Variants in SLFN5 observed in about 807,000 individuals in gnomAD.
The protein encoded by SLFN5 is schlafen family member 5.
SLFN5 carries 34 observed loss-of-function variants against 48.5 expected under a neutral mutation model. The observed-to-expected ratio is 0.70, with a 90% CI of 0.53 to 0.93. The LOEUF (loss-of-function observed/expected upper bound fraction) is 0.93. SLFN5 is among the 40% of genes least tolerant of loss of function. The pLI is 0.00. For missense variants in SLFN5, 1,006 were observed against 1,071.3 expected, an observed-to-expected ratio of 0.94 and a Z score of 0.85; for synonymous variants, 387 against 396.2, an observed-to-expected ratio of 0.98 and a Z score of 0.28.
At position 35,271,108 on chromosome 17, in the gene SLFN5, C is replaced by A. The variant is rs1440632112; in HGVS notation, c.*5220C>A. On this transcript the variant is annotated 3_prime_UTR_variant, in exon 5 of 5. Coordinates refer to ENST00000299977, the MANE Select transcript of SLFN5 (RefSeq NM_144975.4). Reference sequence around the variant, plus strand: ...CTGCTGTGGAAAAACAACATCAAACCTAGACTTCTCTCCCCAAACTATCAT... The same window carrying A: ...CTGCTGTGGAAAAACAACATCAAACATAGACTTCTCTCCCCAAACTATCAT... 6.6e-6 allele frequency: 1 copy of A among 152,126 alleles called. No individual in the cohort carries two copies. The highest frequency in any genetic ancestry group is 1.5e-5 in the Non-Finnish European group (1 of 68,028). 9.4% of individuals were successfully genotyped at this position (152,126 alleles called of 1,614,324 possible). A position where few individuals can be genotyped will look rare whatever the true frequency, so the allele number is the denominator to read the frequency against.
chr17:35,250,225 T>C (rs2092439181), intron 1 of SLFN5, among the ~76,000 whole-genome samples: 1 of 152,240 alleles, frequency 6.6e-6, no homozygotes, highest in East Asian at 1.9e-4. Context: ...GTAGAAATTT[T>C]CTCTGCCTTT....
chr17:35,273,290 T>C lies in SLFN5; in HGVS notation c.*7402T>C, dbSNP rs1002144241. The C allele has an allele frequency of 6.6e-6, 1 of 152,204 alleles. No individual in the cohort carries two copies. The highest frequency in any genetic ancestry group is 2.4e-5 in the African/African-American group (1 of 41,454). 9.4% of individuals were successfully genotyped at this position (152,204 alleles called of 1,614,324 possible). On this transcript the variant is annotated 3_prime_UTR_variant, in exon 5 of 5. Transcript: ENST00000299977. The stretch of plus-strand genomic sequence containing the variant: ...CTTTGGAAGTATACCTAAAAATTGG[T>C]AATAGTGTTTGACTCCAGGGAAGAA...
chr17:35,259,343 C>T lies in SLFN5; in HGVS notation c.653C>T (p.Ala218Val), dbSNP rs1162648307. ...GACAGACTTCCGAAGTGTGTTTCTG[C>T]ATTTGCAAATACTGAAGGAGGATAT... Reference protein sequence around the residue: ...VKDRLPKCVSAFANTEGGYVF... With the variant: ...VKDRLPKCVSVFANTEGGYVF... The change falls in exon 2 of 5, where the codon GCA becomes GTA. Residue 218 changes from alanine to valine, a missense_variant. Transcript: ENST00000299977. The T allele has an allele frequency of 6.2e-7, 1 of 1,614,120 alleles. No individual in the cohort carries two copies.
At chr17:35,249,993 C>T (rs997523063) in intron 1 of SLFN5, among the ~76,000 whole-genome samples, 1 of 152,166 alleles carries the variant, frequency 6.6e-6, no homozygotes, top group African/African-American at 2.4e-5. Flanking sequence ...AAGTCAGACG[C>T]AAAGGAATGG....
chr17:35,261,022 C>T lies in SLFN5; in HGVS notation c.1064C>T (p.Thr355Met), dbSNP rs748278919. The T allele has an allele frequency of 3.3e-5, 54 of 1,613,840 alleles. No homozygotes were observed. Among genetic ancestry groups the T allele is most frequent in the African/African-American group, 9.3e-5 (7 of 74,898 alleles). The change falls in exon 3 of 5, where the codon ACG becomes ATG. Residue 355 changes from threonine (T) to methionine (M), a missense_variant. Transcript: ENST00000299977. ...CTCCAGTTGAGTTTGTCATCTGCCACGCCCCGCAGCAAGCCTGTGTGCATT... is the reference window on the plus strand; with the variant it reads ...CTCCAGTTGAGTTTGTCATCTGCCATGCCCCGCAGCAAGCCTGTGTGCATT... The part of the protein sequence containing the change: ...MVLQLSLSSA[T>M]PRSKPVCIHK...
At chr17:35,256,072 A>C (rs1333565239) in intron 1 of SLFN5, among the ~76,000 whole-genome samples, 3 of 152,234 alleles carry the variant, frequency 2.0e-5, no homozygotes, top group Non-Finnish European at 2.9e-5. Context: ...AAAATAGTGC[A>C]TGTAGGCTGG....
Position 35,270,419 on chromosome 17 carries a change from T to C in SLFN5, c.*4531T>C, listed in dbSNP as rs185793895. The C allele has an allele frequency of 2.0e-5, 3 of 152,254 alleles. No homozygotes were observed. The East Asian group carries it at 5.8e-4, about 29-fold the overall frequency. The allele number at this position is 152,254 out of a possible 1,614,324, so 9.4% of individuals were successfully genotyped here. The stretch of plus-strand genomic sequence containing the variant: ...CATCCTCACAACCAAGAAAAGCGCC[T>C]CTCCATGAACTAAAACCTATGAGTC... On this transcript the variant is annotated 3_prime_UTR_variant, in exon 5 of 5. Coordinates refer to ENST00000299977, the MANE Select transcript of SLFN5 (RefSeq NM_144975.4).
intron 1 of SLFN5, among the ~76,000 whole-genome samples, chr17:35,248,510 G>A (rs530517863): frequency 6.6e-6 from 1 of 151,876 alleles, no homozygotes; most frequent in South Asian, 2.1e-4. Flanking sequence ...CTTCTATTAG[G>A]TTGGTGCAAG....
At chr17:35,252,561 T>G (rs2142690718) in intron 1 of SLFN5, among the ~76,000 whole-genome samples, 1 of 152,320 alleles carries the variant, frequency 6.6e-6, no homozygotes, top group South Asian at 2.1e-4. Flanking sequence ...CTCTGGATGC[T>G]TTTAAGATTT....
At chr17:35,250,070 C>G (rs1022555595) in intron 1 of SLFN5, among the ~76,000 whole-genome samples, 14 of 152,160 alleles carry the variant, frequency 9.2e-5, no homozygotes, top group Non-Finnish European at 5.9e-5. Context: ...CACTCCTGTC[C>G]CGCCAGCAAA....
rs974096801 is a variant in SLFN5, at chr17:35,262,392, A to G, written c.1138+1296A>G. 1.1e-3 allele frequency among the ~76,000 whole-genome samples: 162 copies of G among 151,970 alleles called. 2 individuals are homozygous for G. Among genetic ancestry groups the G allele is most frequent in the African/African-American group, 3.8e-3 (156 of 41,460 alleles). ...GAGACTCCATCTCAAAAAAAAAAAA[A>G]AAAGAAAAGGAAAAGAAAAAAAAAT... On this transcript the variant is annotated intron_variant, in intron 3 of 4. Transcript: ENST00000299977.
rs891172221 is a variant in SLFN5 at position 35,272,637 on chromosome 17, A to T, written c.*6749A>T. The T allele has an allele frequency of 6.6e-6, 1 of 152,258 alleles. No individual in the cohort carries two copies. Among genetic ancestry groups the T allele is most frequent in the Non-Finnish European group, 1.5e-5 (1 of 68,044 alleles). The allele number at this position is 152,258 out of a possible 1,614,324, so 9.4% of individuals were successfully genotyped here. On this transcript the variant is annotated 3_prime_UTR_variant, in exon 5 of 5. Transcript: ENST00000299977. The stretch of plus-strand genomic sequence containing the variant: ...ATTGCAATGAATATCACAGCCAAAT[A>T]GTTAATTTCTTATTTTCAAAAAATA...
intron 1 of SLFN5, among the ~76,000 whole-genome samples, chr17:35,256,085 G>A (rs1465371130): frequency 6.6e-6 from 1 of 152,194 alleles, no homozygotes; most frequent in Non-Finnish European, 1.5e-5. Context: ...TAGGCTGGGC[G>A]CGGTGGCTTA....
intron 1 of SLFN5, among the ~76,000 whole-genome samples, chr17:35,253,714 T>TTG (rs1491071602): frequency 9.5e-6 from 1 of 104,956 alleles, no homozygotes; most frequent in Non-Finnish European, 1.8e-5. Context: ...TTTTTTTTTT[T>TTG]TGAGATGGAG....
At chr17:35,248,448 TC>T (rs1298577671) in intron 1 of SLFN5, among the ~76,000 whole-genome samples, 1 of 152,210 alleles carries the variant, frequency 6.6e-6, no homozygotes, top group African/African-American at 2.4e-5. Flanking sequence ...TGCTTCTTTT[TC>T]TTGTCTTCCA....
chr17:35,248,692 G>T (rs1382721312), intron 1 of SLFN5, among the ~76,000 whole-genome samples: 1 of 151,598 alleles, frequency 6.6e-6, no homozygotes, highest in East Asian at 1.9e-4. Flanking sequence ...CAGGTATGCA[G>T]ACATCTGTAG....
intron 1 of SLFN5, among the ~76,000 whole-genome samples, chr17:35,254,138 T>C (rs1263425689): frequency 1.3e-5 from 2 of 152,216 alleles, no homozygotes; most frequent in African/African-American, 4.8e-5. Flanking sequence ...AAATAATGCC[T>C]TATGGTTATC....
At chr17:35,260,307 A>T (rs1160456586) in intron 2 of SLFN5, among the ~76,000 whole-genome samples, 3 of 152,234 alleles carry the variant, frequency 2.0e-5, no homozygotes, top group Non-Finnish European at 4.4e-5. Flanking sequence ...AGACAGAGAA[A>T]ACCAATAGTA....
intron 1 of SLFN5, among the ~76,000 whole-genome samples, chr17:35,246,426 T>TTA (rs1339215413): frequency 6.6e-6 from 1 of 152,186 alleles, no homozygotes; most frequent in Non-Finnish European, 1.5e-5. Context: ...CCAGCAGCCA[T>TTA]TAGCACCATT....
Sources: allele counts gnomAD v4.1 joint callset (sites outside exome capture counted in the v4.1 genomes callset), GRCh38; gene constraint gnomAD v4.1.1; transcripts MANE v1.5; gene names NCBI Gene and HGNC (gene_info 2026-07-23, HGNC 2026-07-21).